ANK2: variants seen among roughly 807,000 people sequenced by gnomAD.
The protein encoded by ANK2 is ankyrin-2.
ANK2 carries 83 observed loss-of-function variants against 360.5 expected under a neutral mutation model. That is an observed-to-expected ratio of 0.23 (90% confidence interval 0.19 to 0.28). The LOEUF (loss-of-function observed/expected upper bound fraction) is 0.28, where lower values mean the gene tolerates loss of function less well. ANK2 is among the 10% of genes least tolerant of loss of function. The probability of loss-of-function intolerance (pLI) is 1.00; values close to 1 mark genes in which losing one functional copy is unlikely to be tolerated. For missense variants in ANK2, 4,201 were observed against 4,795.7 expected (o/e 0.88, Z 3.66); for synonymous variants, 1,740 against 1,759.5 (o/e 0.99, Z 0.28).
intron 2 of ANK2, among the ~76,000 whole-genome samples, chr4:113,013,628 A>G (rs1215471532): frequency 6.6e-6 from 1 of 152,232 alleles, no homozygotes. Context: ...AAGAGACATA[A>G]AACATATATG....
chr4:112,802,750 G>C, the ANK2 span, among the ~76,000 whole-genome samples: 34,346 of 152,046 alleles, frequency 0.23, 4,271 homozygotes, highest in East Asian at 0.53. Context: ...GAGCAATATA[G>C]ACAACATAGG....
intron 2 of ANK2, among the ~76,000 whole-genome samples, chr4:113,003,394 A>G (rs2154288079): frequency 6.6e-6 from 1 of 152,258 alleles, no homozygotes; most frequent in Admixed American, 6.5e-5. Context: ...TTTTTGAACT[A>G]GACAACACTC....
In ANK2 at chr4:113,251,672, C is replaced by T. The variant is rs1287742486; in HGVS notation, c.990+1810C>T. Reference sequence around the variant, plus strand: ...TAATTTTTTGTATTTTTAGGAGAGACGGGGTTTCACCGTGTTAGCCAGGAT... The same window carrying T: ...TAATTTTTTGTATTTTTAGGAGAGATGGGGTTTCACCGTGTTAGCCAGGAT... On this transcript the variant is annotated intron_variant, in intron 10 of 45. Transcript: ENST00000357077. Among the ~76,000 whole-genome samples the T allele has an allele frequency of 2.6e-5, 4 of 151,088 alleles. 1 individual carries two copies. The highest frequency in any genetic ancestry group is 4.2e-4 in the South Asian group (2 of 4,782).
chr4:113,344,012 T>C (rs2094556468), intron 34 of ANK2, among the ~76,000 whole-genome samples: 1 of 152,182 alleles, frequency 6.6e-6, no homozygotes, highest in Non-Finnish European at 1.5e-5. Context: ...AAACCTCTTA[T>C]TAAGTTTTTC....
chr4:112,882,546 C>T (rs1230513925), intron 1 of ANK2, among the ~76,000 whole-genome samples: 1 of 152,056 alleles, frequency 6.6e-6, no homozygotes, highest in East Asian at 1.9e-4. Context: ...AATGTGCCAG[C>T]TGTTCAATGA....
At chr4:112,768,867 A>G in the ANK2 span, among the ~76,000 whole-genome samples, 8 of 152,288 alleles carry the variant, frequency 5.3e-5, no homozygotes, top group East Asian at 1.5e-3. Context: ...CTTTATGTAC[A>G]TGACCTGCCT....
intron 1 of ANK2, among the ~76,000 whole-genome samples, chr4:113,072,202 T>C (rs1278392879): frequency 1.3e-5 from 2 of 152,198 alleles, no homozygotes; most frequent in Admixed American, 6.5e-5. Context: ...CATTACCCTA[T>C]AGATATAATG....
intron 4 of ANK2, among the ~76,000 whole-genome samples, chr4:113,200,858 C>T (rs1458024091): frequency 7.6e-6 from 1 of 132,236 alleles, no homozygotes; most frequent in Admixed American, 8.1e-5. Context: ...GGACACAAGG[C>T]GGGGAACATC....
the ANK2 span, among the ~76,000 whole-genome samples, chr4:112,777,865 G>A: frequency 4.0e-5 from 6 of 151,688 alleles, no homozygotes; most frequent in African/African-American, 9.7e-5. Flanking sequence ...TGATCCGCCC[G>A]CCTCGGCCTC....
chr4:112,831,876 TG>T (rs1158020678), intron 1 of ANK2, among the ~76,000 whole-genome samples: 5 of 152,052 alleles, frequency 3.3e-5, no homozygotes, highest in Non-Finnish European at 7.4e-5. Flanking sequence ...TAACACTCAT[TG>T]TGAAGGTTTG....
chr4:112,812,074 C>CAAAAA, the ANK2 span, among the ~76,000 whole-genome samples: 98 of 79,144 alleles, frequency 1.2e-3, no homozygotes, highest in African/African-American at 2.8e-3. Flanking sequence ...GACTCCGTCT[C>CAAAAA]AAAAAAAAAA....
chr4:113,214,340 C>G lies in ANK2; in HGVS notation c.384+15231C>G, dbSNP rs1011741592. 3.4e-6 allele frequency: 3 copies of G among 870,246 alleles called. No individual in the cohort carries two copies. In the African/African-American group the frequency reaches 5.5e-5, roughly 16 times the overall value. 53.9% of individuals were successfully genotyped at this position (870,246 alleles called of 1,614,324 possible). A position where few individuals can be genotyped will look rare whatever the true frequency, so the allele number is the denominator to read the frequency against. ...CACAGTTAGTGCAGCGAATAGGCTG[C>G]ACGTGGCCGCGGCCCTTTTTGGCAC... is the stretch of plus-strand genomic sequence containing the variant. On this transcript the variant is annotated intron_variant, in intron 4 of 45. Coordinates refer to ENST00000357077, the MANE Select transcript of ANK2 (RefSeq NM_001148.6).
At chr4:113,333,288 G>T (rs1475934713) in intron 29 of ANK2, 80 bp downstream of exon 29, 19 of 1,523,126 alleles carry the variant, frequency 1.2e-5, no homozygotes, top group Non-Finnish European at 1.7e-5. Flanking sequence ...TGACCTAGGG[G>T]TGTGTGTATA....
chr4:113,311,536 T>C, intron 24 of ANK2, 137 bp downstream of exon 24: 1 of 1,189,862 alleles, frequency 8.4e-7, no homozygotes, highest in East Asian at 2.6e-5. Flanking sequence ...CATGTTATGT[T>C]TTTCCATTGT....
At position 113,318,577 on chromosome 4, in the gene ANK2, A is replaced by T. The variant is rs1166158535; in HGVS notation, c.2857A>T (p.Asn953Tyr). The stretch of plus-strand genomic sequence containing the variant: ...TTATCGCCTAAGCTGGGGCACTGAG[A>T]ACTTAGACAACGTGGCTCTTTCTTC... ...NSYRLSWGTE[N>Y]LDNVALSSSP... The change falls in exon 26 of 46, where the codon AAC (asparagine) becomes TAC (tyrosine). Residue 953 changes from asparagine to tyrosine, a missense_variant. This residue lies in a region of ANK2 where 1,268 missense variants were observed against 1,650.8 expected (regional missense o/e 0.77). Coordinates refer to ENST00000357077, the MANE Select transcript of ANK2 (RefSeq NM_001148.6). The T allele has an allele frequency of 1.9e-6, 3 of 1,613,798 alleles. No individual in the cohort carries two copies. Among genetic ancestry groups the T allele is most frequent in the Non-Finnish European group, 1.7e-6 (2 of 1,179,828 alleles).
intron 1 of ANK2, among the ~76,000 whole-genome samples, chr4:112,891,521 C>T (rs2080024329): frequency 6.6e-6 from 1 of 152,092 alleles, no homozygotes; most frequent in Non-Finnish European, 1.5e-5. Flanking sequence ...TAAATGCCCT[C>T]ATTATTTAAA....
In ANK2 at chr4:113,179,677, T is replaced by C. The variant is rs186818404; in HGVS notation, c.186+5160T>C. 5.2e-4 allele frequency among the ~76,000 whole-genome samples: 79 copies of C among 152,344 alleles called. 1 individual carries two copies. The East Asian group carries it at 0.013, about 25-fold the overall frequency. On this transcript the variant is annotated intron_variant, in intron 2 of 45. Transcript: ENST00000357077. The stretch of plus-strand genomic sequence containing the variant: ...AAAATAAATCTTAGCGTTCAATTTA[T>C]TTCTGAAACTCATAAAGACTTACTT...
At chr4:113,034,749 G>A (rs537017935) in intron 2 of ANK2, 1 of 151,886 alleles carries the variant, frequency 6.6e-6, no homozygotes, top group Non-Finnish European at 1.5e-5. Context: ...TACCATGATG[G>A]GGAAATGTAG....
chr4:113,081,122 G>C (rs988665280), intron 1 of ANK2, among the ~76,000 whole-genome samples: 1 of 152,018 alleles, frequency 6.6e-6, no homozygotes, highest in East Asian at 1.9e-4. Context: ...AAAGAATTTG[G>C]TTTCTTGAAA....
Sources: gnomAD v4.1 joint callset for allele counts (sites outside exome capture counted in the v4.1 genomes callset) on GRCh38, gnomAD v4.1.1 for gene constraint, gnomAD v4.1.1 regional missense constraint, MANE v1.5 for transcripts, NCBI Gene and HGNC (gene_info 2026-07-23, HGNC 2026-07-21) for gene names.